Variants in XYLT1 observed in about 807,000 individuals in gnomAD.
XYLT1 encodes the protein xylosyltransferase 1, also known as beta-D-xylosyltransferase 1.
A neutral mutation model predicts 91.3 loss-of-function variants in XYLT1; 36 were observed. The ratio of observed to expected loss-of-function variants is 0.39; its 90% CI spans 0.30 to 0.52. The LOEUF is 0.52. XYLT1 is among the 20% of genes least tolerant of loss of function. The probability of loss-of-function intolerance (pLI) is 0.68; values close to 1 mark genes in which losing one functional copy is unlikely to be tolerated. For synonymous variants in XYLT1, 588 were observed against 532.0 expected (o/e 1.11, Z -1.45); for missense variants, 1,242 against 1,284.5 (o/e 0.97, Z 0.51).
chr16:17,155,885 T>C (rs1396831716), intron 6 of XYLT1, among the ~76,000 whole-genome samples: 1 of 152,172 alleles, frequency 6.6e-6, no homozygotes, highest in East Asian at 1.9e-4. Flanking sequence ...ACATCAATTA[T>C]ACAAAATGTA....
intron 1 of XYLT1, among the ~76,000 whole-genome samples, chr16:17,376,358 G>C (rs2035601482): frequency 6.6e-6 from 1 of 152,160 alleles, no homozygotes; most frequent in African/African-American, 2.4e-5. Context: ...AGAGGACAGA[G>C]GTAGGCCAAC....
Position 17,220,861 on chromosome 16 carries a change from C to A in XYLT1, c.914-20207G>T, listed in dbSNP as rs530347336. ...CTCTCCAACTATGACTGAGATCTCA[C>A]CCTGGGCAGAAAGTGCGCCTTTGCT... On this transcript the variant is annotated intron_variant, in intron 3 of 11. Transcript: ENST00000261381. Among the ~76,000 whole-genome samples the A allele has an allele frequency of 5.9e-5, 9 of 152,314 alleles. No individual in the cohort carries two copies. In the South Asian group the frequency reaches 1.7e-3, roughly 28 times the overall value.
intron 1 of XYLT1, among the ~76,000 whole-genome samples, chr16:17,404,607 A>G (rs2036007330): frequency 6.6e-6 from 1 of 152,140 alleles, no homozygotes; most frequent in African/African-American, 2.4e-5. Flanking sequence ...GAAGACACGC[A>G]CCCACTCATG....
At chr16:17,445,621 G>A (rs567976383) in intron 1 of XYLT1, among the ~76,000 whole-genome samples, 8 of 152,290 alleles carry the variant, frequency 5.3e-5, no homozygotes, top group East Asian at 1.9e-4. Context: ...ACCCAGTGCC[G>A]CCCCAGCATG....
rs890926705 is a variant in XYLT1, at chr16:17,312,441, C to T, written c.402+45571G>A. 4.6e-5 allele frequency among the ~76,000 whole-genome samples: 7 copies of T among 152,070 alleles called. No individual in the cohort carries two copies. The South Asian group carries it at 6.2e-4, about 13-fold the overall frequency. ...TGGGGTCTTGTCTCAGGGCCTTACC[C>T]GCATTAACATGTTTTTCTTTCTAAC... On this transcript the variant is annotated intron_variant, in intron 2 of 11. Transcript: ENST00000261381. This position sits in a 1 kb window ranked among gnomAD's most constrained non-coding sequence, Gnocchi z 4.4.
chr16:17,365,088 T>C (rs762354854), intron 1 of XYLT1, among the ~76,000 whole-genome samples: 4 of 152,142 alleles, frequency 2.6e-5, no homozygotes, highest in Non-Finnish European at 4.4e-5. Context: ...CTTAAGAGCG[T>C]TGGTGTTCAC....
At position 17,259,360 on chromosome 16, in the gene XYLT1, A is replaced by G. The variant is rs148434592; in HGVS notation, c.541T>C (p.Leu181=). 220 of 1,613,496 alleles carry G rather than the reference A, an allele frequency of 1.4e-4. No homozygotes were observed. Among genetic ancestry groups the G allele is most frequent in the Non-Finnish European group, 1.7e-4 (199 of 1,179,936 alleles). The change falls in exon 3 of 12, where the codon TTG becomes CTG. Residue 181 remains leucine, a synonymous_variant. Transcript: ENST00000261381. ...RTQKQKHQPE[L]AKKPPSRQKE... ...TGTCTACTCGGTGGCTTCTTCGCCAACTCAGGCTGGTGCTTCTGCTTTTGA... is the reference window on the plus strand; with the variant it reads ...TGTCTACTCGGTGGCTTCTTCGCCAGCTCAGGCTGGTGCTTCTGCTTTTGA...
intron 2 of XYLT1, among the ~76,000 whole-genome samples, chr16:17,268,702 G>A (rs892552575): frequency 3.6e-5 from 5 of 137,268 alleles, no homozygotes; most frequent in South Asian, 2.3e-4. Context: ...ACGGAGTTTC[G>A]CTCTTTGTTG....
At chr16:17,149,511 C>G (rs2031230643) in intron 6 of XYLT1, among the ~76,000 whole-genome samples, 1 of 152,150 alleles carries the variant, frequency 6.6e-6, no homozygotes, top group South Asian at 2.1e-4. Context: ...TAGATTACTC[C>G]TTCAGCATAA....
At chr16:17,384,074 C>A (rs1313688635) in intron 1 of XYLT1, among the ~76,000 whole-genome samples, 1 of 151,790 alleles carries the variant, frequency 6.6e-6, no homozygotes, top group Non-Finnish European at 1.5e-5. Context: ...CCTCTTAAAG[C>A]TTTCCGGTTT....
chr16:17,345,972 G>A (rs1031816257), intron 2 of XYLT1, among the ~76,000 whole-genome samples: 1 of 152,090 alleles, frequency 6.6e-6, no homozygotes, highest in Non-Finnish European at 1.5e-5. Flanking sequence ...CACCACACGT[G>A]GCTAATTTTT....
At chr16:17,127,403 AT>A in intron 10 of XYLT1, among the ~76,000 whole-genome samples, 1 of 152,330 alleles carries the variant, frequency 6.6e-6, no homozygotes, top group East Asian at 1.9e-4. Context: ...TTTAGGAGTC[AT>A]CACTGGAAAA....
chr16:17,289,527 T>G (rs1427098753), intron 2 of XYLT1, among the ~76,000 whole-genome samples: 2 of 152,222 alleles, frequency 1.3e-5, no homozygotes, highest in African/African-American at 4.8e-5. Context: ...CTATGTCATT[T>G]CCAGAAATCA....
chr16:17,315,524 A>G (rs1205768438), intron 2 of XYLT1, among the ~76,000 whole-genome samples: 1 of 96,078 alleles, frequency 1.0e-5, no homozygotes, highest in African/African-American at 6.6e-5. Context: ...GTAACACTGT[A>G]CCTATGTGTT....
intron 3 of XYLT1, among the ~76,000 whole-genome samples, chr16:17,222,703 T>C (rs1454714716): frequency 7.1e-6 from 1 of 141,620 alleles, no homozygotes; most frequent in East Asian, 2.1e-4. Context: ...GGCATGAGAA[T>C]CAATTGAACC....
At chr16:17,375,246 T>C (rs2035583740) in intron 1 of XYLT1, among the ~76,000 whole-genome samples, 1 of 152,132 alleles carries the variant, frequency 6.6e-6, no homozygotes, top group African/African-American at 2.4e-5. Context: ...AAGCATTAAT[T>C]AATCCTCGCA....
chr16:17,181,113 G>A (rs1364554484), intron 5 of XYLT1, among the ~76,000 whole-genome samples: 3 of 152,152 alleles, frequency 2.0e-5, no homozygotes, highest in African/African-American at 7.2e-5. Context: ...GTGGAGAAAT[G>A]GACTTGAGAA....
At chr16:17,124,145 G>A (rs1324693500) in intron 10 of XYLT1, among the ~76,000 whole-genome samples, 1 of 152,172 alleles carries the variant, frequency 6.6e-6, no homozygotes, top group Non-Finnish European at 1.5e-5. Context: ...ATTGAGATGT[G>A]AGGTACTATT....
intron 3 of XYLT1, among the ~76,000 whole-genome samples, chr16:17,240,229 A>G (rs1453100669): frequency 6.6e-6 from 1 of 152,228 alleles, no homozygotes; most frequent in African/African-American, 2.4e-5. Context: ...CTTCAGCTAC[A>G]GTCTGCTTTC....
Sources: allele counts gnomAD v4.1 joint callset (sites outside exome capture counted in the v4.1 genomes callset), GRCh38; gene constraint gnomAD v4.1.1; non-coding constraint Gnocchi (gnomAD v3.1); transcripts MANE v1.5; gene names NCBI Gene and HGNC (gene_info 2026-07-23, HGNC 2026-07-21).